Variants in GPC6 observed in about 807,000 individuals in gnomAD.
GPC6 encodes glypican 6.
GPC6 carries 14 observed loss-of-function variants against 55.2 expected under a neutral mutation model. That is an observed-to-expected ratio of 0.25 (90% CI 0.17 to 0.40). GPC6 has a LOEUF of 0.40. Ranked by LOEUF, GPC6 falls within the 10% of genes least tolerant of loss-of-function variation. The pLI is 1.00. For synonymous variants in GPC6, 278 were observed against 259.6 expected (o/e 1.07, Z -0.68); for missense variants, 641 against 708.5 (o/e 0.90, Z 1.08).
At chr13:93,437,426 A>T (rs1877613947) in intron 1 of GPC6, among the ~76,000 whole-genome samples, 1 of 152,202 alleles carries the variant, frequency 6.6e-6, no homozygotes, top group Non-Finnish European at 1.5e-5. Context: ...GCAAAGGAAA[A>T]GTTTTTGAAG....
At chr13:94,121,801 G>C (rs1417812856) in intron 4 of GPC6, among the ~76,000 whole-genome samples, 1 of 152,004 alleles carries the variant, frequency 6.6e-6, no homozygotes, top group Non-Finnish European at 1.5e-5. Flanking sequence ...CACCTCTCCA[G>C]GGTCTGTGGA....
Position 93,693,266 on chromosome 13 carries a change from A to C in GPC6, c.320-136888A>C, listed in dbSNP as rs986057967. Among the ~76,000 whole-genome samples the C allele has an allele frequency of 3.3e-5, 5 of 152,296 alleles. No homozygotes were observed. The East Asian group carries it at 9.7e-4, about 29-fold the overall frequency. ...AGTGCTTTCACATAAATAACAATCA[A>C]GGTAATTAATACGTCTAAAACAGTA... On this transcript the variant is annotated intron_variant, in intron 2 of 8. Transcript: ENST00000377047.
intron 1 of GPC6, among the ~76,000 whole-genome samples, chr13:93,341,824 CAGA>C (rs1216519325): frequency 6.6e-6 from 1 of 151,502 alleles, no homozygotes; most frequent in Non-Finnish European, 1.5e-5. Context: ...AGCGAATGTC[CAGA>C]AGATTTTTTT....
intron 2 of GPC6, among the ~76,000 whole-genome samples, chr13:93,728,001 C>G (rs1883701915): frequency 6.6e-6 from 1 of 152,074 alleles, no homozygotes; most frequent in Admixed American, 6.6e-5. Flanking sequence ...CTGAAACCCT[C>G]TTCACTCCCA....
chr13:94,285,281 G>A (rs188295996), intron 4 of GPC6, among the ~76,000 whole-genome samples: 25 of 151,474 alleles, frequency 1.7e-4, no homozygotes, highest in African/African-American at 6.1e-4. Context: ...CTTTTCCCAA[G>A]GCCAAGAAGG....
intron 1 of GPC6, among the ~76,000 whole-genome samples, chr13:93,368,856 ACT>A (rs1881355036): frequency 6.6e-6 from 1 of 151,766 alleles, no homozygotes; most frequent in African/African-American, 2.4e-5. Flanking sequence ...TGTACCTCAG[ACT>A]CTTATGGGAC....
intron 2 of GPC6, among the ~76,000 whole-genome samples, chr13:93,668,925 A>T (rs1301413723): frequency 6.6e-6 from 1 of 152,226 alleles, no homozygotes; most frequent in Non-Finnish European, 1.5e-5. Context: ...GATCAAGGTG[A>T]CTTATACGAA....
At chr13:94,081,458 G>T (rs969077610) in intron 4 of GPC6, among the ~76,000 whole-genome samples, 2 of 152,072 alleles carry the variant, frequency 1.3e-5, no homozygotes, top group African/African-American at 4.8e-5. Context: ...TTGTTAACTT[G>T]TTAAGAGAAT....
At chr13:93,278,792 G>C (rs1196537055) in intron 1 of GPC6, among the ~76,000 whole-genome samples, 1 of 152,168 alleles carries the variant, frequency 6.6e-6, no homozygotes, top group African/African-American at 2.4e-5. Context: ...AGGTAATAAA[G>C]TTGTATTATA....
In GPC6 at chr13:93,486,668, C is replaced by T. The variant is rs530471353; in HGVS notation, c.161-58595C>T. Among the ~76,000 whole-genome samples, 181 of 152,098 alleles carry T rather than the reference C, an allele frequency of 1.2e-3. 1 individual carries two copies. The highest frequency in any genetic ancestry group is 1.7e-3 in the Non-Finnish European group (115 of 68,004). The stretch of plus-strand genomic sequence containing the variant: ...CCATAGTGTAAGAGACCATCTTGGC[C>T]GGGCACGGTGGCTCACACCTGTAAT... On this transcript the variant is annotated intron_variant, in intron 1 of 8. Transcript: ENST00000377047.
At chr13:93,760,273 AC>A (rs1180359185) in intron 2 of GPC6, among the ~76,000 whole-genome samples, 1 of 148,078 alleles carries the variant, frequency 6.8e-6, no homozygotes, top group Admixed American at 6.7e-5. Context: ...CTTTCTCTTG[AC>A]CACCATGTTA....
intron 3 of GPC6, among the ~76,000 whole-genome samples, chr13:93,895,366 A>G (rs773522258): frequency 2.2e-4 from 33 of 150,692 alleles, no homozygotes; most frequent in Non-Finnish European, 4.3e-4. Flanking sequence ...TATGAGGTAA[A>G]TAAGTTACAG....
chr13:94,288,079 A>C (rs1305080654), intron 5 of GPC6, among the ~76,000 whole-genome samples: 4 of 152,160 alleles, frequency 2.6e-5, no homozygotes, highest in Non-Finnish European at 4.4e-5. Context: ...TACTGGGGAC[A>C]GGAGTGAATA....
chr13:93,847,803 A>G (rs963454015), intron 3 of GPC6, among the ~76,000 whole-genome samples: 9 of 152,262 alleles, frequency 5.9e-5, no homozygotes, highest in Admixed American at 5.2e-4. Flanking sequence ...TTTGTAATAT[A>G]GAGAGTCAGA....
intron 4 of GPC6, among the ~76,000 whole-genome samples, chr13:94,258,430 A>C (rs1891564076): frequency 6.6e-6 from 1 of 152,256 alleles, no homozygotes; most frequent in South Asian, 2.1e-4. Flanking sequence ...GTGCTACCTT[A>C]AATAATATAT....
At chr13:93,598,048 GC>G (rs1361144855) in intron 2 of GPC6, among the ~76,000 whole-genome samples, 1 of 152,192 alleles carries the variant, frequency 6.6e-6, no homozygotes, top group African/African-American at 2.4e-5. Flanking sequence ...GGGGGCTGAG[GC>G]AGGAGAATCA....
chr13:93,513,766 C>A (rs1160437297), intron 1 of GPC6, among the ~76,000 whole-genome samples: 2 of 152,086 alleles, frequency 1.3e-5, no homozygotes, highest in African/African-American at 2.4e-5. Flanking sequence ...ATTTTTATAG[C>A]CCTTCATTAA....
intron 2 of GPC6, among the ~76,000 whole-genome samples, chr13:93,707,503 T>A (rs1882894302): frequency 6.6e-6 from 1 of 151,718 alleles, no homozygotes; most frequent in Non-Finnish European, 1.5e-5. Context: ...TAATGATAAA[T>A]CTAAAACAAT....
intron 2 of GPC6, among the ~76,000 whole-genome samples, chr13:93,572,060 G>C (rs894293359): frequency 6.6e-6 from 1 of 152,116 alleles, no homozygotes; most frequent in African/African-American, 2.4e-5. Flanking sequence ...CTCAATCTGA[G>C]CTTACATCTA....
Sources: gnomAD v4.1 joint callset for allele counts (sites outside exome capture counted in the v4.1 genomes callset) on GRCh38, gnomAD v4.1.1 for gene constraint, MANE v1.5 for transcripts, NCBI Gene and HGNC (gene_info 2026-07-23, HGNC 2026-07-21) for gene names.